Variants in PXDN observed in about 807,000 individuals in gnomAD.
The protein encoded by PXDN is peroxidasin, also known as peroxidasin homolog.
Under a neutral mutation model 140.3 loss-of-function variants are expected in PXDN, and 77 were observed. That is an observed-to-expected ratio of 0.55 (90% CI 0.46 to 0.66). The LOEUF is 0.66. PXDN is among the 30% of genes least tolerant of loss of function. PXDN has a pLI of 0.00. For synonymous variants in PXDN, 911 were observed against 857.4 expected (o/e 1.06, Z -1.09); for missense variants, 1,838 against 2,039.5 (o/e 0.90, Z 1.90).
intron 14 of PXDN, among the ~76,000 whole-genome samples, chr2:1,656,540 C>A (rs1469564091): frequency 6.6e-6 from 1 of 150,754 alleles, no homozygotes; most frequent in African/African-American, 2.5e-5. Flanking sequence ...GAAAGCTGCC[C>A]CCTCCTGACT....
intron 9 of PXDN, among the ~76,000 whole-genome samples, chr2:1,670,072 G>C (rs1369703618): frequency 6.6e-6 from 1 of 152,100 alleles, no homozygotes; most frequent in African/African-American, 2.4e-5. Flanking sequence ...ATTGATTACA[G>C]GGCTCTGCTG....
At chr2:1,702,482 T>G (rs989008264) in intron 1 of PXDN, among the ~76,000 whole-genome samples, 3 of 152,242 alleles carry the variant, frequency 2.0e-5, no homozygotes, top group African/African-American at 4.8e-5. Context: ...GTGACATGTG[T>G]GAACCCCAAA....
chr2:1,679,627 CACGT>C (rs1391452175), intron 7 of PXDN, among the ~76,000 whole-genome samples: 5 of 102,462 alleles, frequency 4.9e-5, no homozygotes, highest in Non-Finnish European at 6.1e-5. Context: ...TTTGTGTCTG[CACGT>C]GTGTGTGTCT....
chr2:1,682,662 G>A (rs567530303), intron 6 of PXDN, among the ~76,000 whole-genome samples: 13 of 152,240 alleles, frequency 8.5e-5, no homozygotes, highest in Non-Finnish European at 1.8e-4. Context: ...GGTGGAGGCC[G>A]GGTGCGGTGG....
rs897564387 is a variant in PXDN at position 1,693,186 on chromosome 2, C to T, written c.201-52G>A. On this transcript the variant is annotated intron_variant, in intron 1 of 22. Transcript: ENST00000252804. ...TACGTGAAAAAAAATCTACAAACAT[C>T]GCTACACATTTGCTGCTCTTAGTTT... The T allele has an allele frequency of 2.0e-5, 28 of 1,394,984 alleles. No homozygotes were observed. The East Asian group carries it at 4.3e-4, about 21-fold the overall frequency. 86.4% of individuals were successfully genotyped at this position (1,394,984 alleles called of 1,614,324 possible). A position where few individuals can be genotyped will look rare whatever the true frequency, so the allele number is the denominator to read the frequency against.
chr2:1,720,944 C>T (rs1180066573), intron 1 of PXDN, among the ~76,000 whole-genome samples: 2 of 152,172 alleles, frequency 1.3e-5, no homozygotes, highest in Admixed American at 1.3e-4. Flanking sequence ...GTAGCTGCAG[C>T]TCCAGTCCAA....
intron 11 of PXDN, 62 bp downstream of exon 11, chr2:1,664,896 A>G (rs1350232545): frequency 1.8e-5 from 25 of 1,376,248 alleles, no homozygotes; most frequent in Non-Finnish European, 2.5e-5. Context: ...CACAGTGGAA[A>G]TGTGTGCTTC....
chr2:1,740,098 C>T (rs914570093), intron 1 of PXDN, among the ~76,000 whole-genome samples: 11 of 152,194 alleles, frequency 7.2e-5, no homozygotes, highest in Admixed American at 3.3e-4. Flanking sequence ...CCCGGGACCG[C>T]GGGTACTCCC....
chr2:1,741,429 G>A (rs966427439), intron 1 of PXDN, among the ~76,000 whole-genome samples: 16 of 152,112 alleles, frequency 1.1e-4, no homozygotes, highest in Non-Finnish European at 1.8e-4. Flanking sequence ...GCAGCACAGG[G>A]CGCGGGCTCC....
chr2:1,658,299 C>T (rs1029983768), intron 14 of PXDN, among the ~76,000 whole-genome samples: 15 of 152,036 alleles, frequency 9.9e-5, no homozygotes, highest in African/African-American at 3.6e-4. Flanking sequence ...GTGGCTCTCA[C>T]CACCCACTCC....
chr2:1,720,724 T>TTTCTCTCTCTCTCTCACACACA, intron 1 of PXDN, among the ~76,000 whole-genome samples: 1 of 28,170 alleles, frequency 3.5e-5, no homozygotes, highest in African/African-American at 7.4e-5. Flanking sequence ...TCTCTCTCTC[T>TTTCTCTCTCTCTCTCACACACA]CACACACACA....
intron 18 of PXDN, 46 bp downstream of exon 18, chr2:1,644,572 G>A (rs958821027): frequency 6.5e-6 from 10 of 1,534,334 alleles, no homozygotes; most frequent in Non-Finnish European, 8.8e-6. Flanking sequence ...GAGTCCCTAA[G>A]AAGGTGGCTT....
intron 17 of PXDN, among the ~76,000 whole-genome samples, chr2:1,647,453 A>G (rs1342206399): frequency 6.6e-6 from 1 of 152,060 alleles, no homozygotes; most frequent in African/African-American, 2.4e-5. Context: ...TTTGCCTGTA[A>G]AACTTTGCCA....
At chr2:1,720,707 TTCTCTC>T (rs200041810) in intron 1 of PXDN, among the ~76,000 whole-genome samples, 3,400 of 53,338 alleles carry the variant, frequency 0.064, 71 homozygotes, top group Non-Finnish European at 0.086. Flanking sequence ...CTGCATCTCT[TTCTCTC>T]TCTCTCTCTC....
At chr2:1,647,735 C>T (rs1241860860) in intron 17 of PXDN, among the ~76,000 whole-genome samples, 1 of 152,258 alleles carries the variant, frequency 6.6e-6, no homozygotes, top group Non-Finnish European at 1.5e-5. Flanking sequence ...TCTGCAGACA[C>T]CAAGCTCTGC....
In PXDN at chr2:1,638,977, C is replaced by T; in HGVS notation, c.4075G>A (p.Val1359Ile). ...KKTRPRKIPS[V>I]GRQGEHLSNS... Reference sequence around the variant, plus strand: ...CTGAGATGTTCCCCCTGTCTCCCAACACTGTGGTGAGGGGAAAGGAGGAGG... The same window carrying T: ...CTGAGATGTTCCCCCTGTCTCCCAATACTGTGGTGAGGGGAAAGGAGGAGG... The change falls in exon 21 of 23, where the codon GTT (valine) becomes ATT (isoleucine). Residue 1359 changes from valine to isoleucine, a missense_variant and splice_region_variant. By Grantham distance (29) the Val-to-Ile change is conservative (BLOSUM62 3). Transcript: ENST00000252804. The T allele has an allele frequency of 6.2e-7, 1 of 1,613,952 alleles. No homozygotes were observed. The highest frequency in any genetic ancestry group is 8.5e-7 in the Non-Finnish European group (1 of 1,179,822).
chr2:1,701,438 A>G (rs1420982528), intron 1 of PXDN, among the ~76,000 whole-genome samples: 1 of 152,214 alleles, frequency 6.6e-6, no homozygotes, highest in Admixed American at 6.5e-5. Flanking sequence ...ACGAGTTTCA[A>G]GCCTGCACAC....
chr2:1,649,810 C>A lies in PXDN; in HGVS notation c.2105-135G>T. The A allele has an allele frequency of 9.8e-7, 1 of 1,018,274 alleles. No individual in the cohort carries two copies. The highest frequency in any genetic ancestry group is 1.5e-6 in the Non-Finnish European group (1 of 679,174). The allele number at this position is 1,018,274 out of a possible 1,614,324, so 63.1% of individuals were successfully genotyped here. Reference sequence around the variant, plus strand: ...ATGAAACCTGTTGTGCGCCATGCAACAAGCGCTTCCTGCTGGAAACCTGCT... The same window carrying A: ...ATGAAACCTGTTGTGCGCCATGCAAAAAGCGCTTCCTGCTGGAAACCTGCT... On this transcript the variant is annotated intron_variant, in intron 16 of 22. Transcript: ENST00000252804. This position sits in a 1 kb window ranked among gnomAD's most constrained non-coding sequence, Gnocchi z 7.1.
In PXDN at chr2:1,685,477, T is replaced by C. The variant is rs1345010618; in HGVS notation, c.417-1326A>G. On this transcript the variant is annotated intron_variant, in intron 4 of 22. Coordinates refer to ENST00000252804, the MANE Select transcript of PXDN (RefSeq NM_012293.3). The surrounding 1 kb of genome is among the most constrained non-coding windows in gnomAD (Gnocchi z 5.1). ...GGGGTCCTTGGCCTTTCACAGCCCA[T>C]GGCAGCTGGGGACCGATGTAAGACC... Among the ~76,000 whole-genome samples the C allele has an allele frequency of 1.3e-5, 2 of 152,080 alleles. No individual in the cohort carries two copies. Among genetic ancestry groups the C allele is most frequent in the Non-Finnish European group, 2.9e-5 (2 of 68,026 alleles).
Sources: gnomAD v4.1 joint callset for allele counts (sites outside exome capture counted in the v4.1 genomes callset) on GRCh38, gnomAD v4.1.1 for gene constraint, Gnocchi (gnomAD v3.1) non-coding constraint, MANE v1.5 for transcripts, NCBI Gene and HGNC (gene_info 2026-07-23, HGNC 2026-07-21) for gene names.